CAMTA1: variants seen among roughly 807,000 people sequenced by gnomAD.
CAMTA1 encodes the protein calmodulin binding transcription activator 1, also known as calmodulin-binding transcription activator 1.
Under a neutral mutation model 170.9 loss-of-function variants are expected in CAMTA1, and 27 were observed. That is an observed-to-expected ratio of 0.16 (90% CI 0.12 to 0.22). The LOEUF (loss-of-function observed/expected upper bound fraction) is 0.22, where lower values mean the gene tolerates loss of function less well. Among genes scored for constraint, CAMTA1 ranks in the 10% least tolerant of loss-of-function variants. The pLI is 1.00. For missense variants in CAMTA1, 1,619 were observed against 2,217.2 expected (o/e 0.73, Z 5.42); for synonymous variants, 833 against 891.5 (o/e 0.93, Z 1.17).
intron 5 of CAMTA1, among the ~76,000 whole-genome samples, chr1:7,399,133 T>A (rs2089681039): frequency 6.6e-6 from 1 of 152,228 alleles, no homozygotes. Context: ...GGTGTTTGTA[T>A]CATGGGGGTG....
chr1:7,417,937 C>T (rs1000777819), intron 5 of CAMTA1, among the ~76,000 whole-genome samples: 9 of 152,154 alleles, frequency 5.9e-5, no homozygotes, highest in South Asian at 4.1e-4. Context: ...GCCAGCTTTT[C>T]GCCATGATTT....
chr1:7,398,179 CTCTCTCTCTCTCTCTATATATA>C (rs2089507412), intron 5 of CAMTA1, among the ~76,000 whole-genome samples: 3 of 43,756 alleles, frequency 6.9e-5, no homozygotes, highest in Admixed American at 6.6e-4. Context: ...CTCTCTCTCT[CTCTCTCTCTCTCTCTATATATA>C]TATATATATA....
rs11120991 is a variant in CAMTA1, at chr1:7,629,502, G to A, written c.511-10898G>A. Among the ~76,000 whole-genome samples the A allele has an allele frequency of 4.6e-3, 707 of 152,332 alleles. 4 individuals carry two copies. The highest frequency in any genetic ancestry group is 0.016 in the African/African-American group (660 of 41,548). ...TGACTGCCCGCTGTGTAGTTTGATTGTGCTAAAATTACCTCCCTGAGCTCC... is the reference window on the plus strand; with the variant it reads ...TGACTGCCCGCTGTGTAGTTTGATTATGCTAAAATTACCTCCCTGAGCTCC... On this transcript the variant is annotated intron_variant, in intron 6 of 22. Coordinates refer to ENST00000303635, the MANE Select transcript of CAMTA1 (RefSeq NM_015215.4).
intron 4 of CAMTA1, among the ~76,000 whole-genome samples, chr1:7,130,731 A>G (rs1558143658): frequency 6.6e-6 from 1 of 152,058 alleles, no homozygotes; most frequent in East Asian, 1.9e-4. Flanking sequence ...CACTCTTCCC[A>G]TATATCTGTT....
intron 4 of CAMTA1, among the ~76,000 whole-genome samples, chr1:7,139,347 A>G (rs1435176194): frequency 6.8e-6 from 1 of 146,276 alleles, no homozygotes; most frequent in Non-Finnish European, 1.5e-5. Flanking sequence ...TCTATGGTAT[A>G]TAAATATTTT....
In CAMTA1 at chr1:7,081,257, G is replaced by A. The variant is rs1639976383; in HGVS notation, c.235-10047G>A. 1.3e-5 allele frequency among the ~76,000 whole-genome samples: 2 copies of A among 152,228 alleles called. 1 individual carries two copies. The highest frequency in any genetic ancestry group is 4.1e-4 in the South Asian group (2 of 4,832). ...ATGATGATGGTAAGAGGTCTGCAAG[G>A]GATGTGTCTTTGCCACTGTCATCTT... On this transcript the variant is annotated intron_variant, in intron 3 of 22. Transcript: ENST00000303635.
At chr1:7,550,558 T>A (rs985275027) in intron 6 of CAMTA1, among the ~76,000 whole-genome samples, 1 of 137,496 alleles carries the variant, frequency 7.3e-6, no homozygotes, top group Non-Finnish European at 1.6e-5. Context: ...CCTGGGCCCC[T>A]CCTACCTGGC....
In CAMTA1 at chr1:6,903,934, A is replaced by G. The variant is rs142176824; in HGVS notation, c.234+78724A>G. On this transcript the variant is annotated intron_variant, in intron 3 of 22. Coordinates refer to ENST00000303635, the MANE Select transcript of CAMTA1 (RefSeq NM_015215.4). ...CCATGGGCAGTGTCATCGTTGGGCAAGACTTCTATCATTACCACTCTGTTG... is the reference window on the plus strand; with the variant it reads ...CCATGGGCAGTGTCATCGTTGGGCAGGACTTCTATCATTACCACTCTGTTG... 2.0e-3 allele frequency among the ~76,000 whole-genome samples: 310 copies of G among 152,316 alleles called. 1 individual carries two copies. Among genetic ancestry groups the G allele is most frequent in the Non-Finnish European group, 3.6e-3 (247 of 68,020 alleles).
At chr1:6,802,222 T>G (rs1236419223) in intron 1 of CAMTA1, among the ~76,000 whole-genome samples, 3 of 152,208 alleles carry the variant, frequency 2.0e-5, no homozygotes, top group African/African-American at 7.2e-5. Context: ...TGTAGCTTCC[T>G]TGCTTGAGTT....
intron 5 of CAMTA1, among the ~76,000 whole-genome samples, chr1:7,454,082 C>T (rs75669651): frequency 0.02 from 3,085 of 152,306 alleles, 101 homozygotes; most frequent in African/African-American, 0.071. Flanking sequence ...CTTATGTCCC[C>T]GAGGGGAGCT....
intron 1 of CAMTA1, among the ~76,000 whole-genome samples, chr1:6,802,364 C>T (rs575735464): frequency 2.0e-4 from 30 of 152,282 alleles, no homozygotes; most frequent in African/African-American, 5.3e-4. Flanking sequence ...CTCCTCTCAG[C>T]CATTTGCTTT....
intron 4 of CAMTA1, among the ~76,000 whole-genome samples, chr1:7,156,406 G>A (rs952177254): frequency 2.6e-5 from 4 of 152,206 alleles, no homozygotes; most frequent in Non-Finnish European, 5.9e-5. Context: ...AGAGAGACAT[G>A]TGGGATCAGA....
intron 4 of CAMTA1, among the ~76,000 whole-genome samples, chr1:7,206,479 C>G (rs994092799): frequency 1.3e-5 from 2 of 152,094 alleles, no homozygotes; most frequent in Non-Finnish European, 2.9e-5. Context: ...GTTTTATATT[C>G]TGCTAGTTTA....
chr1:7,582,365 AC>A (rs1440356201), intron 6 of CAMTA1, among the ~76,000 whole-genome samples: 3 of 150,896 alleles, frequency 2.0e-5, no homozygotes, highest in South Asian at 4.2e-4. Flanking sequence ...TGATTCACCC[AC>A]CCCCTACCCT....
Position 7,761,311 on chromosome 1 carries a change from G to A in CAMTA1, c.4990-5148G>A, listed in dbSNP as rs72853882. 3.9e-3 allele frequency among the ~76,000 whole-genome samples: 587 copies of A among 152,340 alleles called. 4 individuals are homozygous for A. The highest frequency in any genetic ancestry group is 0.013 in the African/African-American group (536 of 41,588). ...ATGTGGCCGCACAGCTCTCCTGAGG[G>A]CAGCACTGGCGCTGTGGGAACTGTA... On this transcript the variant is annotated intron_variant, in intron 22 of 22. Transcript: ENST00000303635.
chr1:7,555,585 G>A (rs2150213138), intron 6 of CAMTA1, among the ~76,000 whole-genome samples: 1 of 148,788 alleles, frequency 6.7e-6, no homozygotes, highest in East Asian at 2.0e-4. Context: ...TCTCACCCAA[G>A]GAGCCGAATG....
rs551146276 is a variant in CAMTA1, at chr1:6,805,768, C to T, written c.46-14413C>T. Among the ~76,000 whole-genome samples, 33 of 152,308 alleles carry T rather than the reference C, an allele frequency of 2.2e-4. No individual in the cohort carries two copies. In the South Asian group the frequency reaches 6.8e-3, roughly 32 times the overall value. Reference sequence around the variant, plus strand: ...TCAAGTGATCCTCCTGCCTTGGCCTCCCAAAATGCTGGGATTACAAGTATG... The same window carrying T: ...TCAAGTGATCCTCCTGCCTTGGCCTTCCAAAATGCTGGGATTACAAGTATG... On this transcript the variant is annotated intron_variant, in intron 1 of 22. Coordinates refer to ENST00000303635, the MANE Select transcript of CAMTA1 (RefSeq NM_015215.4).
intron 5 of CAMTA1, among the ~76,000 whole-genome samples, chr1:7,319,509 C>G (rs1028265255): frequency 1.3e-5 from 2 of 152,194 alleles, no homozygotes; most frequent in African/African-American, 4.8e-5. Context: ...AAAGCTGATG[C>G]TGCCATGCTT....
At chr1:7,437,064 A>C (rs1341767403) in intron 5 of CAMTA1, among the ~76,000 whole-genome samples, 1 of 152,010 alleles carries the variant, frequency 6.6e-6, no homozygotes, top group African/African-American at 2.4e-5. Flanking sequence ...AGGAGCAGAA[A>C]GGGGAAACTG....
Sources: allele counts gnomAD v4.1 joint callset (sites outside exome capture counted in the v4.1 genomes callset), GRCh38; gene constraint gnomAD v4.1.1; transcripts MANE v1.5; gene names NCBI Gene and HGNC (gene_info 2026-07-23, HGNC 2026-07-21).